LSS: variants seen among roughly 807,000 people sequenced by gnomAD.
The protein encoded by LSS is 2,3-epoxysqualene-lanosterol cyclase.
In LSS, 90 loss-of-function variants were observed where a neutral mutation model predicts 110.3. The observed-to-expected ratio is 0.82, with a 90% CI of 0.69 to 0.97. LSS has a LOEUF of 0.97. Among genes scored for constraint, LSS ranks in the 50% least tolerant of loss-of-function variants. The probability of loss-of-function intolerance (pLI) is 0.00; values close to 1 mark genes in which losing one functional copy is unlikely to be tolerated. For synonymous variants in LSS, 433 were observed against 400.0 expected, an observed-to-expected ratio of 1.08 and a Z score of -0.98; for missense variants, 927 against 990.0, an observed-to-expected ratio of 0.94 and a Z score of 0.85.
Position 46,228,732 on chromosome 21 carries a change from G to A in LSS, c.14C>T (p.Thr5Met). 1 of 1,601,138 alleles carries A rather than the reference G, an allele frequency of 6.2e-7. No individual in the cohort carries two copies. Residue 5 changes from threonine (T) to methionine (M), a missense_variant and splice_region_variant, in exon 1 of 22, where the codon ACG (threonine) becomes ATG (methionine). Transcript: ENST00000397728. MTEG[T>M]CLRRRGGPYK... ...AGGAGCCCGGGGCGAGGGGACTCAC[G>A]TGCCCTCCGTCATTGCTGCTGCAGT...
In LSS at chr21:46,210,735, CG is replaced by C; in HGVS notation, c.1146del (p.Asn382LysfsTer37). ...AATGCGGTGTCCCAGATCTGTGAGCCGTTGGTGCCCTACACACAAAGGATGG... is the reference window on the plus strand; with the variant it reads ...AATGCGGTGTCCCAGATCTGTGAGCCTTGGTGCCCTACACACAAAGGATGG... ...GLDGMKMQGT[N>X]GSQIWDTAFA... On this transcript the variant is annotated frameshift_variant, in exon 12 of 22. Coordinates refer to ENST00000397728, the MANE Select transcript of LSS (RefSeq NM_002340.6). 6.2e-7 allele frequency: 1 copy of C among 1,614,010 alleles called. No individual in the cohort carries two copies. Among genetic ancestry groups the C allele is most frequent in the Non-Finnish European group, 8.5e-7 (1 of 1,179,980 alleles).
rs556858478 is a variant in LSS at position 46,215,788 on chromosome 21, G to C, written c.789C>G (p.Leu263=). Residue 263 remains leucine, a synonymous_variant, in exon 8 of 22, where the codon CTC becomes CTG. Transcript: ENST00000397728. ...DPLVQSLRQE[L]YVEDFASIDW... is the part of the protein sequence containing the mutation. ...CAATGCTGGCGAAGTCCTCCACATA[G>C]AGCTCCTGGTGGGGGCAGTGTCTGA... is the stretch of plus-strand genomic sequence containing the variant. 1,159 of 1,608,222 alleles carry C rather than the reference G, an allele frequency of 7.2e-4. 15 individuals carry two copies. The South Asian group carries it at 0.012, about 17-fold the overall frequency.
rs2079799248 is a variant in LSS at position 46,190,770 on chromosome 21, G to A, written c.*334C>T. ...TCCTCTCCCAAGAACTCAGCTATTGGTCAGAAAAAACCTCCTAGCCTCACT... is the reference window on the plus strand; with the variant it reads ...TCCTCTCCCAAGAACTCAGCTATTGATCAGAAAAAACCTCCTAGCCTCACT... On this transcript the variant is annotated 3_prime_UTR_variant, in exon 22 of 22. Coordinates refer to ENST00000397728, the MANE Select transcript of LSS (RefSeq NM_002340.6). This position sits in a 1 kb window ranked among gnomAD's most constrained non-coding sequence, Gnocchi z 4.6. 6.8e-6 allele frequency: 2 copies of A among 294,662 alleles called. No homozygotes were observed. Among genetic ancestry groups the A allele is most frequent in the Admixed American group, 4.5e-5 (1 of 22,378 alleles). 18.3% of individuals were successfully genotyped at this position (294,662 alleles called of 1,614,324 possible). A position where few individuals can be genotyped will look rare whatever the true frequency, so the allele number is the denominator to read the frequency against.
Position 46,209,698 on chromosome 21 carries a change from G to C in LSS, c.1195-73C>G. Reference sequence around the variant, plus strand: ...AGCATGGCTGCGCTGGTTTCCCGATGGTCCTGGCCACATCCTGCCCCAACC... The same window carrying C: ...AGCATGGCTGCGCTGGTTTCCCGATCGTCCTGGCCACATCCTGCCCCAACC... On this transcript the variant is annotated intron_variant, in intron 12 of 21. Transcript: ENST00000397728. This position sits in a 1 kb window ranked among gnomAD's most constrained non-coding sequence, Gnocchi z 4.4. 7.4e-7 allele frequency: 1 copy of C among 1,354,880 alleles called. No individual in the cohort carries two copies. The highest frequency in any genetic ancestry group is 1.0e-6 in the Non-Finnish European group (1 of 967,108). The allele number at this position is 1,354,880 out of a possible 1,614,324, so 83.9% of individuals were successfully genotyped here.
intron 11 of LSS, 52 bp downstream of exon 11, chr21:46,212,973 G>A (rs2080152538): frequency 1.2e-6 from 2 of 1,609,756 alleles, no homozygotes; most frequent in Admixed American, 1.7e-5. Flanking sequence ...AAATAATAAA[G>A]GGGAGACATG....
chr21:46,196,362 G>A (rs1262110701), intron 17 of LSS, 95 bp from the exon 18 acceptor site: 7 of 1,018,456 alleles, frequency 6.9e-6, no homozygotes, highest in Admixed American at 5.7e-5. Context: ...GAATGAGAAT[G>A]GTCTCCCTTA....
chr21:46,211,182 A>G (rs113624898), intron 11 of LSS, among the ~76,000 whole-genome samples: 1 of 152,086 alleles, frequency 6.6e-6, no homozygotes, highest in African/African-American at 2.4e-5. Flanking sequence ...GCTGGAGTGC[A>G]GTGGCGTGAT....
rs772855669 is a variant in LSS at position 46,221,844 on chromosome 21, C to T, written c.550+10G>A. ...AACCCCTGGCCCAGCACATGCTGCA[C>T]ATGCCGTACCTTTCTTGTGAAGAAT... On this transcript the variant is annotated intron_variant, in intron 5 of 21. Transcript: ENST00000397728. 1.2e-6 allele frequency: 2 copies of T among 1,614,020 alleles called. No homozygotes were observed. The highest frequency in any genetic ancestry group is 1.1e-5 in the South Asian group (1 of 91,068).
intron 17 of LSS, among the ~76,000 whole-genome samples, chr21:46,202,257 A>G (rs947423599): frequency 5.6e-5 from 8 of 143,648 alleles, no homozygotes; most frequent in South Asian, 2.2e-4. Flanking sequence ...AGCCGGGCGT[A>G]GTGGCGGGCG....
Position 46,190,857 on chromosome 21 carries a change from T to C in LSS, c.*247A>G. ...GTGCCTCCTCAGGGGTCACGGCTCCTGTGCCCCCTTCCTCACCCAAGCCCG... is the reference window on the plus strand; with the variant it reads ...GTGCCTCCTCAGGGGTCACGGCTCCCGTGCCCCCTTCCTCACCCAAGCCCG... On this transcript the variant is annotated 3_prime_UTR_variant, in exon 22 of 22. Coordinates refer to ENST00000397728, the MANE Select transcript of LSS (RefSeq NM_002340.6). This position sits in a 1 kb window ranked among gnomAD's most constrained non-coding sequence, Gnocchi z 4.6. 1 of 525,566 alleles carries C rather than the reference T, an allele frequency of 1.9e-6. No individual in the cohort carries two copies. The allele number at this position is 525,566 out of a possible 1,614,324, so 32.6% of individuals were successfully genotyped here.
intron 5 of LSS, among the ~76,000 whole-genome samples, chr21:46,219,959 AGC>A (rs2080254452): frequency 6.6e-6 from 1 of 152,180 alleles, no homozygotes; most frequent in Non-Finnish European, 1.5e-5. Flanking sequence ...GGGAAGTGAC[AGC>A]GCACACTCAG....
At chr21:46,228,087 ACT>A (rs1332669578) in intron 2 of LSS, among the ~76,000 whole-genome samples, 1 of 152,142 alleles carries the variant, frequency 6.6e-6, no homozygotes, top group South Asian at 2.1e-4. Context: ...TACACTGCAG[ACT>A]CTGACGACCA....
At position 46,207,487 on chromosome 21, in the gene LSS, TCTC is replaced by T. The variant is rs763341689; in HGVS notation, c.1405_1407del (p.Glu469del). On this transcript the variant is annotated inframe_deletion, in exon 15 of 22. Coordinates refer to ENST00000397728, the MANE Select transcript of LSS (RefSeq NM_002340.6). Reference sequence around the variant, plus strand: ...ATGTGCTCGGTGACATGGGGACACTTCTCCTGCAGGAGCAGCACAGCCTTCAAG... The same window carrying T: ...ATGTGCTCGGTGACATGGGGACACTTCTGCAGGAGCAGCACAGCCTTCAAG... 2.5e-6 allele frequency: 4 copies of T among 1,612,466 alleles called. No homozygotes were observed. The highest frequency in any genetic ancestry group is 2.5e-6 in the Non-Finnish European group (3 of 1,179,562).
intron 17 of LSS, among the ~76,000 whole-genome samples, chr21:46,205,288 C>CGAGCAGGA (rs58934391): frequency 0.039 from 5,907 of 151,516 alleles, 156 homozygotes; most frequent in Middle Eastern, 0.1. Context: ...TGACTAACCG[C>CGAGCAGGA]GAGCAGGAGA....
intron 4 of LSS, 61 bp from the exon 5 acceptor site, chr21:46,222,036 A>C: frequency 6.3e-7 from 1 of 1,590,318 alleles, no homozygotes; most frequent in Non-Finnish European, 8.6e-7. Context: ...GAAATAAAGC[A>C]AAACTTTCTG....
Position 46,213,816 on chromosome 21 carries a change from A to T in LSS, c.1031T>A (p.Met344Lys). 1 of 1,613,930 alleles carries T rather than the reference A, an allele frequency of 6.2e-7. No homozygotes were observed. The highest frequency in any genetic ancestry group is 8.5e-7 in the Non-Finnish European group (1 of 1,179,942). Residue 344 changes from methionine (M) to lysine (K), a missense_variant, in exon 10 of 22, where the codon ATG becomes AAG. Transcript: ENST00000397728. Reference protein sequence around the residue: ...SIGPISKTINMLVRWYVDGPA... With the variant: ...SIGPISKTINKLVRWYVDGPA... ...CCCGTCCACATACCAGCGCACAAGC[A>T]TGTTGATGGTTTTCGAGATCTGCAG...
chr21:46,212,763 G>C (rs917305799), intron 11 of LSS, among the ~76,000 whole-genome samples: 1 of 152,156 alleles, frequency 6.6e-6, no homozygotes, highest in Non-Finnish European at 1.5e-5. Context: ...TGGGTCTGTC[G>C]TTACACAGCT....
Position 46,228,525 on chromosome 21 carries a change from T to G in LSS, c.89A>C (p.Glu30Ala). Residue 30 changes from glutamate to alanine, a missense_variant, in exon 2 of 22, where the codon GAG (glutamate) becomes GCG (alanine). Physicochemically the swap from Glu to Ala is moderately radical, Grantham distance 107. Transcript: ENST00000397728. ...GTAGGTCCACGTCTGCCGGCCCCTC[T>G]CGCAGTTGAGTCGCCAGCGGCCGAG... is the stretch of plus-strand genomic sequence containing the variant. ...TDLGRWRLNC[E>A]RGRQTWTYLQ... The G allele has an allele frequency of 6.2e-7, 1 of 1,600,678 alleles. No homozygotes were observed. The highest frequency in any genetic ancestry group is 8.5e-7 in the Non-Finnish European group (1 of 1,179,056).
chr21:46,219,102 C>CCTT (rs2080242445), intron 6 of LSS, among the ~76,000 whole-genome samples: 1 of 152,172 alleles, frequency 6.6e-6, no homozygotes, highest in Admixed American at 6.5e-5. Flanking sequence ...TCACATTCAC[C>CCTT]AGCAAAGGAG....
Sources: allele counts gnomAD v4.1 joint callset (sites outside exome capture counted in the v4.1 genomes callset), GRCh38; gene constraint gnomAD v4.1.1; non-coding constraint Gnocchi (gnomAD v3.1); transcripts MANE v1.5; gene names NCBI Gene and HGNC (gene_info 2026-07-23, HGNC 2026-07-21).